ARSG: variants seen among roughly 807,000 people sequenced by gnomAD.
ARSG encodes arylsulfatase G.
Under a neutral mutation model 50.5 loss-of-function variants are expected in ARSG, and 37 were observed. The observed-to-expected ratio is 0.73, with a 90% CI of 0.56 to 0.96. The LOEUF (loss-of-function observed/expected upper bound fraction) is 0.96. ARSG is among the 50% of genes least tolerant of loss of function. The pLI, the probability that ARSG is intolerant of heterozygous loss-of-function variation, is 0.00. For missense variants in ARSG, 629 were observed against 675.3 expected (o/e 0.93, Z 0.76); for synonymous variants, 225 against 254.6 (o/e 0.88, Z 1.11).
At chr17:68,415,124 T>G (rs1357383608) in intron 11 of ARSG, among the ~76,000 whole-genome samples, 1 of 152,198 alleles carries the variant, frequency 6.6e-6, no homozygotes, top group Non-Finnish European at 1.5e-5. Context: ...AGAATGTCAG[T>G]TTGTGCTCTT....
chr17:68,342,629 G>A (rs1050178410), intron 2 of ARSG, among the ~76,000 whole-genome samples: 1 of 152,004 alleles, frequency 6.6e-6, no homozygotes, highest in Non-Finnish European at 1.5e-5. Context: ...CAAAGTGTTG[G>A]GATTACAGGC....
intron 2 of ARSG, among the ~76,000 whole-genome samples, chr17:68,333,761 G>A (rs2077892666): frequency 6.6e-6 from 1 of 152,132 alleles, no homozygotes; most frequent in Non-Finnish European, 1.5e-5. Context: ...GAAGGGAACA[G>A]AAAAAGCTGG....
intron 1 of ARSG, among the ~76,000 whole-genome samples, chr17:68,299,100 C>CTTTTTT (rs201821256): frequency 9.5e-6 from 1 of 105,584 alleles, no homozygotes. Flanking sequence ...AAAAATTGAA[C>CTTTTTT]TTTTTTTTTT....
intron 10 of ARSG, among the ~76,000 whole-genome samples, chr17:68,396,618 A>G (rs1027315002): frequency 6.6e-6 from 1 of 152,192 alleles, no homozygotes; most frequent in Non-Finnish European, 1.5e-5. Flanking sequence ...TGTCTTTGCT[A>G]AGGGTCACAT....
chr17:68,419,488 AT>A (rs1473781241), intron 11 of ARSG, among the ~76,000 whole-genome samples: 2 of 152,198 alleles, frequency 1.3e-5, no homozygotes, highest in Non-Finnish European at 2.9e-5. Context: ...AGGCAGGAGA[AT>A]TGCTTGAACC....
chr17:68,273,245 G>C (rs147129203), intron 1 of ARSG, among the ~76,000 whole-genome samples: 274 of 150,228 alleles, frequency 1.8e-3, no homozygotes, highest in African/African-American at 6.5e-3. Flanking sequence ...GTCTCACTCT[G>C]TTGCCCAGGC....
In ARSG at chr17:68,366,163, T is replaced by C. The variant is rs374097186; in HGVS notation, c.705-2385T>C. On this transcript the variant is annotated intron_variant, in intron 6 of 11. Transcript: ENST00000621439. Reference sequence around the variant, plus strand: ...CATCTTGGCCCAGCTGGTCTCAAACTCCTGACCTCAAATGATCCGCCTGCC... The same window carrying C: ...CATCTTGGCCCAGCTGGTCTCAAACCCCTGACCTCAAATGATCCGCCTGCC... 1.1e-4 allele frequency among the ~76,000 whole-genome samples: 16 copies of C among 151,912 alleles called. No homozygotes were observed. In the East Asian group the frequency reaches 1.4e-3, roughly 13 times the overall value.
intron 2 of ARSG, among the ~76,000 whole-genome samples, chr17:68,312,970 A>T (rs1599674938): frequency 6.6e-6 from 1 of 152,070 alleles, no homozygotes; most frequent in South Asian, 2.1e-4. Flanking sequence ...TTAAAATGTT[A>T]CTTTGTTCTG....
Position 68,370,026 on chromosome 17 carries a change from A to T in ARSG, c.902-418A>T, listed in dbSNP as rs543304302. 1.3e-4 allele frequency among the ~76,000 whole-genome samples: 19 copies of T among 151,902 alleles called. No homozygotes were observed. In the South Asian group the frequency reaches 2.5e-3, roughly 20 times the overall value. On this transcript the variant is annotated intron_variant, in intron 7 of 11. Coordinates refer to ENST00000621439, the MANE Select transcript of ARSG (RefSeq NM_001267727.2). ...TGTCTTTATTTATTTATATTTATTT[A>T]TTTTTTTAGATGGAGTCTTGCTCCG...
rs2081463615 is a variant in ARSG, at chr17:68,401,396, T to A, written c.1249T>A (p.Phe417Ile). Residue 417 changes from phenylalanine (F) to isoleucine (I), a missense_variant, in exon 11 of 12, where the codon TTT becomes ATT. Phe to Ile is a conservative substitution (Grantham distance 21, BLOSUM62 0). Coordinates refer to ENST00000621439, the MANE Select transcript of ARSG (RefSeq NM_001267727.2). ...CCCCAACAGCGGGGCAGCTGGAGAG[T>A]TTGGAGCCCTGCAGACTGTCCGCCT... ...FHPNSGAAGE[F>I]GALQTVRLER... 6.2e-7 allele frequency: 1 copy of A among 1,613,936 alleles called. No individual in the cohort carries two copies.
chr17:68,260,640 A>C (rs2075058076), intron 1 of ARSG, among the ~76,000 whole-genome samples: 1 of 152,100 alleles, frequency 6.6e-6, no homozygotes, highest in South Asian at 2.1e-4. Context: ...GGTGTGCACC[A>C]CCATGCCCCG....
intron 1 of ARSG, chr17:68,278,000 A>G (rs2075579437): frequency 2.4e-6 from 2 of 826,540 alleles, no homozygotes; most frequent in Non-Finnish European, 3.9e-6. Flanking sequence ...GAATGAAAGC[A>G]TCACAAACAC....
Position 68,420,681 on chromosome 17 carries a change from T to C in ARSG, c.*218T>C. The C allele has an allele frequency of 1.7e-6, 1 of 592,056 alleles. No individual in the cohort carries two copies. The highest frequency in any genetic ancestry group is 2.9e-6 in the Non-Finnish European group (1 of 340,696). 36.7% of individuals were successfully genotyped at this position (592,056 alleles called of 1,614,324 possible). A position where few individuals can be genotyped will look rare whatever the true frequency, so the allele number is the denominator to read the frequency against. Reference sequence around the variant, plus strand: ...GCTCTGGGCAGGGAGTGTGCCTTAATGGGAAGCACACGGGCTTTGGAGTCA... The same window carrying C: ...GCTCTGGGCAGGGAGTGTGCCTTAACGGGAAGCACACGGGCTTTGGAGTCA... On this transcript the variant is annotated 3_prime_UTR_variant, in exon 12 of 12. Coordinates refer to ENST00000621439, the MANE Select transcript of ARSG (RefSeq NM_001267727.2).
chr17:68,407,486 A>G (rs1365277435), intron 11 of ARSG, among the ~76,000 whole-genome samples: 1 of 152,188 alleles, frequency 6.6e-6, no homozygotes, highest in African/African-American at 2.4e-5. Context: ...CTACCCATCC[A>G]TGAGCATGAG....
intron 11 of ARSG, among the ~76,000 whole-genome samples, chr17:68,408,606 G>A (rs1443871982): frequency 6.6e-6 from 1 of 152,126 alleles, no homozygotes; most frequent in Non-Finnish European, 1.5e-5. Context: ...TGTCTTTAAA[G>A]CAGCATGATT....
chr17:68,380,063 C>T (rs988926659), intron 8 of ARSG: 1 of 157,358 alleles, frequency 6.4e-6, no homozygotes, highest in African/African-American at 2.4e-5. Context: ...TCCTCTTCCT[C>T]CTCCTCTTCT....
At chr17:68,425,289 G>GACCTC (rs1568619273), downstream of ARSG, among the ~76,000 whole-genome samples, 1 of 152,040 alleles carries the variant, frequency 6.6e-6, no homozygotes, top group Middle Eastern at 3.2e-3. Context: ...CTGCAGCCTC[G>GACCTC]ACCTCCCAGG....
intron 11 of ARSG, among the ~76,000 whole-genome samples, chr17:68,406,504 G>A (rs749185768): frequency 1.8e-4 from 27 of 152,302 alleles, no homozygotes; most frequent in Admixed American, 3.3e-4. Flanking sequence ...CATCAGCAGT[G>A]TAGAAGTGTT....
intron 8 of ARSG, among the ~76,000 whole-genome samples, chr17:68,371,293 G>A: frequency 6.7e-6 from 1 of 149,462 alleles, no homozygotes; most frequent in East Asian, 1.9e-4. Flanking sequence ...CTCCAGCCTG[G>A]GCGAGAGTGT....
Sources: gnomAD v4.1 joint callset for allele counts (sites outside exome capture counted in the v4.1 genomes callset) on GRCh38, gnomAD v4.1.1 for gene constraint, MANE v1.5 for transcripts, NCBI Gene and HGNC (gene_info 2026-07-23, HGNC 2026-07-21) for gene names.